Variants in GRM3 observed in about 807,000 individuals in gnomAD.
GRM3 encodes the protein metabotropic glutamate receptor 3.
A neutral mutation model predicts 70.5 loss-of-function variants in GRM3; 26 were observed. The observed-to-expected ratio is 0.37, with a 90% CI of 0.27 to 0.51. The LOEUF is 0.51. Ranked by LOEUF, GRM3 falls within the 20% of genes least tolerant of loss-of-function variation. The pLI is 0.93. For missense variants in GRM3, 859 were observed against 1,123.8 expected, an observed-to-expected ratio of 0.76 and a Z score of 3.37; for synonymous variants, 443 against 434.9, an observed-to-expected ratio of 1.02 and a Z score of -0.23.
At position 86,679,070 on chromosome 7, in the gene GRM3, T is replaced by G. The variant is rs1339402555; in HGVS notation, c.-141+34198T>G. Among the ~76,000 whole-genome samples, 6 of 152,064 alleles carry G rather than the reference T, an allele frequency of 3.9e-5. No individual in the cohort carries two copies. In the East Asian group the frequency reaches 1.2e-3, roughly 29 times the overall value. ...ATTAATAGCTAGGTAAATGGCCGTA[T>G]CGTATTGATTAATATGTCATGTAAC... On this transcript the variant is annotated intron_variant, in intron 1 of 5. Coordinates refer to ENST00000361669, the MANE Select transcript of GRM3 (RefSeq NM_000840.3).
chr7:86,735,386 T>C (rs1223582820), intron 1 of GRM3, among the ~76,000 whole-genome samples: 3 of 152,218 alleles, frequency 2.0e-5, no homozygotes, highest in Admixed American at 2.0e-4. Flanking sequence ...GTTGGCATTA[T>C]ACTTTCTAAG....
intron 3 of GRM3, among the ~76,000 whole-genome samples, chr7:86,821,337 T>A (rs149526755): frequency 1.3e-4 from 20 of 152,130 alleles, no homozygotes; most frequent in Admixed American, 1.3e-3. Flanking sequence ...ACCAGCTGAC[T>A]AACAGCACAG....
At chr7:86,764,129 T>C (rs529568061) in intron 1 of GRM3, among the ~76,000 whole-genome samples, 1 of 152,208 alleles carries the variant, frequency 6.6e-6, no homozygotes, top group South Asian at 2.1e-4. Context: ...GAAGGATGTG[T>C]GGGTAAAGCT....
intron 2 of GRM3, among the ~76,000 whole-genome samples, chr7:86,775,569 TA>T (rs896484061): frequency 2.8e-4 from 43 of 151,398 alleles, no homozygotes; most frequent in African/African-American, 6.0e-4. Context: ...ATTTCCTTAA[TA>T]AAAAAAAATT....
intron 4 of GRM3, among the ~76,000 whole-genome samples, chr7:86,849,229 G>C (rs1798712263): frequency 6.6e-6 from 1 of 152,100 alleles, no homozygotes; most frequent in African/African-American, 2.4e-5. Flanking sequence ...ATTTATGAAG[G>C]CTTTTGCATC....
intron 3 of GRM3, among the ~76,000 whole-genome samples, chr7:86,787,835 A>T (rs771960073): frequency 6.6e-6 from 1 of 152,194 alleles, no homozygotes; most frequent in Non-Finnish European, 1.5e-5. Context: ...GTGAAAAGTG[A>T]TTTTTGCTGC....
intron 1 of GRM3, among the ~76,000 whole-genome samples, chr7:86,714,297 AT>A (rs1795265289): frequency 1.3e-5 from 2 of 151,960 alleles, no homozygotes; most frequent in Non-Finnish European, 2.9e-5. Context: ...CTTTTTCTGA[AT>A]TTTTTTAAAC....
At chr7:86,763,070 T>C (rs1796518521) in intron 1 of GRM3, among the ~76,000 whole-genome samples, 2 of 152,226 alleles carry the variant, frequency 1.3e-5, no homozygotes, top group South Asian at 4.1e-4. Context: ...GAATAGTAAT[T>C]GAGATTGTGC....
chr7:86,649,316 A>T (rs1237557697), intron 1 of GRM3, among the ~76,000 whole-genome samples: 1 of 152,180 alleles, frequency 6.6e-6, no homozygotes, highest in Non-Finnish European at 1.5e-5. Flanking sequence ...TGGAACAGCA[A>T]GGCATCCAAA....
intron 1 of GRM3, among the ~76,000 whole-genome samples, chr7:86,678,081 T>A (rs1244595323): frequency 6.6e-6 from 1 of 152,048 alleles, no homozygotes; most frequent in African/African-American, 2.4e-5. Flanking sequence ...AACTTAAGGA[T>A]AGAAATATGA....
intron 1 of GRM3, among the ~76,000 whole-genome samples, chr7:86,706,582 G>T (rs1795062334): frequency 6.6e-6 from 1 of 151,982 alleles, no homozygotes; most frequent in South Asian, 2.1e-4. Flanking sequence ...TCAAGGAGAT[G>T]ACACTAATGG....
rs188252792 is a variant in GRM3 at position 86,800,490 on chromosome 7, A to G, written c.1324+13374A>G. Among the ~76,000 whole-genome samples, 20 of 152,352 alleles carry G rather than the reference A, an allele frequency of 1.3e-4. 1 individual carries two copies. The highest frequency in any genetic ancestry group is 1.2e-3 in the Admixed American group (19 of 15,308). On this transcript the variant is annotated intron_variant, in intron 3 of 5. Coordinates refer to ENST00000361669, the MANE Select transcript of GRM3 (RefSeq NM_000840.3). ...TGATCCCACAGAAATACAAGCAACC[A>G]TCAGAGAATACTATAATCACCTCTA... is the stretch of plus-strand genomic sequence containing the variant.
At chr7:86,749,926 A>C (rs1458420705) in intron 1 of GRM3, among the ~76,000 whole-genome samples, 1 of 152,036 alleles carries the variant, frequency 6.6e-6, no homozygotes, top group African/African-American at 2.4e-5. Context: ...TCAGTGACTG[A>C]GGAGTCCTGA....
At chr7:86,791,319 A>T (rs1052096579) in intron 3 of GRM3, among the ~76,000 whole-genome samples, 5 of 152,248 alleles carry the variant, frequency 3.3e-5, no homozygotes, top group Admixed American at 6.5e-5. Context: ...TTTAATATAT[A>T]AATTTTGTTC....
chr7:86,656,870 A>G (rs1018398346), intron 1 of GRM3, among the ~76,000 whole-genome samples: 2 of 152,140 alleles, frequency 1.3e-5, no homozygotes, highest in African/African-American at 4.8e-5. Context: ...ATGTGGCTAA[A>G]ACATTTGCTG....
chr7:86,751,512 A>T (rs1796230174), intron 1 of GRM3, among the ~76,000 whole-genome samples: 1 of 152,098 alleles, frequency 6.6e-6, no homozygotes, highest in Non-Finnish European at 1.5e-5. Flanking sequence ...TGAACAGTGG[A>T]ACATAGTAAA....
At chr7:86,744,338 G>A (rs1274199086) in intron 1 of GRM3, among the ~76,000 whole-genome samples, 2 of 151,662 alleles carry the variant, frequency 1.3e-5, no homozygotes, top group Admixed American at 6.6e-5. Context: ...TTATCTTAAG[G>A]GGTCCAGAAT....
At chr7:86,679,083 T>C (rs1424839558) in intron 1 of GRM3, among the ~76,000 whole-genome samples, 23 of 152,062 alleles carry the variant, frequency 1.5e-4, no homozygotes, top group Admixed American at 1.5e-3. Context: ...TATTGATTAA[T>C]ATGTCATGTA....
intron 1 of GRM3, among the ~76,000 whole-genome samples, chr7:86,685,742 T>C (rs1019622478): frequency 1.6e-4 from 24 of 151,840 alleles, no homozygotes; most frequent in Admixed American, 7.9e-4. Context: ...CCTTCTCTAC[T>C]AAAAATACAA....
Sources: gnomAD v4.1 joint callset for allele counts (sites outside exome capture counted in the v4.1 genomes callset) on GRCh38, gnomAD v4.1.1 for gene constraint, MANE v1.5 for transcripts, NCBI Gene and HGNC (gene_info 2026-07-23, HGNC 2026-07-21) for gene names.